The following ANO1 variants were observed in gnomAD, a reference collection of about 807,000 sequenced individuals.
ANO1 encodes the protein anoctamin 1.
In ANO1, 59 loss-of-function variants were observed where a neutral mutation model predicts 124.0. That is an observed-to-expected ratio of 0.48 (90% CI 0.39 to 0.59). The LOEUF is 0.59. ANO1 is among the 20% of genes least tolerant of loss of function. The pLI is 0.00. For missense variants in ANO1, 1,059 were observed against 1,328.0 expected (o/e 0.80, Z 3.15); for synonymous variants, 529 against 532.0 (o/e 0.99, Z 0.08).
chr11:70,116,423 A>G (rs1024703685), intron 7 of ANO1, 35 bp from the exon 8 acceptor site: 2 of 1,578,570 alleles, frequency 1.3e-6, no homozygotes, highest in African/African-American at 2.7e-5. Flanking sequence ...GCTCCATTGG[A>G]TGATAAGAAC....
chr11:70,112,965 GA>G (rs1410398982), intron 7 of ANO1, among the ~76,000 whole-genome samples: 2 of 152,178 alleles, frequency 1.3e-5, no homozygotes, highest in African/African-American at 4.8e-5. Flanking sequence ...GACCCCAAGG[GA>G]AGGAGTCTAG....
intron 1 of ANO1, among the ~76,000 whole-genome samples, chr11:70,011,926 T>C (rs2120354739): frequency 6.6e-6 from 1 of 152,276 alleles, no homozygotes; most frequent in South Asian, 2.1e-4. Flanking sequence ...CTCCATCCAT[T>C]CATCCAACCA....
chr11:70,008,796 C>T (rs1467435003), intron 1 of ANO1, among the ~76,000 whole-genome samples: 2 of 152,148 alleles, frequency 1.3e-5, no homozygotes, highest in African/African-American at 2.4e-5. Context: ...AGTGATTGTG[C>T]CATCCAGAAT....
chr11:70,136,348 G>A (rs190951217), intron 11 of ANO1, among the ~76,000 whole-genome samples: 193 of 152,340 alleles, frequency 1.3e-3, no homozygotes, highest in African/African-American at 4.4e-3. Context: ...TTAAGTGCAA[G>A]GGAGGGATGC....
chr11:70,018,882 C>T (rs1159248998), intron 1 of ANO1, among the ~76,000 whole-genome samples: 2 of 152,216 alleles, frequency 1.3e-5, no homozygotes, highest in East Asian at 3.8e-4. Context: ...GCATGGAGCT[C>T]AGTACCGGGG....
chr11:70,029,537 C>T (rs1367249149), intron 1 of ANO1, among the ~76,000 whole-genome samples: 1 of 152,218 alleles, frequency 6.6e-6, no homozygotes, highest in Non-Finnish European at 1.5e-5. Context: ...AACTTTCAAC[C>T]CACCAGTCAC....
At chr11:70,103,956 C>T in intron 3 of ANO1, 43 bp from the exon 4 acceptor site, 1 of 1,593,234 alleles carries the variant, frequency 6.3e-7, no homozygotes, top group Non-Finnish European at 8.6e-7. Flanking sequence ...GATCATGGTC[C>T]AGCAGGGTGA....
chr11:70,089,020 CTT>C (rs2044513712), intron 2 of ANO1, among the ~76,000 whole-genome samples: 3 of 152,216 alleles, frequency 2.0e-5, no homozygotes, highest in African/African-American at 7.2e-5. Flanking sequence ...GAGAGAATGA[CTT>C]TAGCAGCCCT....
intron 1 of ANO1, among the ~76,000 whole-genome samples, chr11:70,014,424 T>C (rs75618123): frequency 0.051 from 7,763 of 152,200 alleles, 664 homozygotes; most frequent in African/African-American, 0.17. Context: ...TGTGCCCGAC[T>C]CCTTTCCCGC....
At chr11:70,154,426 G>T (rs1447494195) in intron 14 of ANO1, among the ~76,000 whole-genome samples, 5 of 149,804 alleles carry the variant, frequency 3.3e-5, no homozygotes, top group African/African-American at 9.8e-5. Flanking sequence ...CTGGGGTACA[G>T]CTCGGTCCTC....
intron 11 of ANO1, among the ~76,000 whole-genome samples, chr11:70,144,180 C>T (rs763617077): frequency 1.3e-5 from 2 of 152,188 alleles, no homozygotes; most frequent in Non-Finnish European, 2.9e-5. Flanking sequence ...TTTATACAAA[C>T]GGGGTGGTAC....
chr11:70,010,179 G>GTGTATATATATATATATA, intron 1 of ANO1, among the ~76,000 whole-genome samples: 5 of 83,810 alleles, frequency 6.0e-5, no homozygotes, highest in East Asian at 5.8e-4. Flanking sequence ...GTGTGTGTGT[G>GTGTATATATATATATATA]TATATATATA....
At chr11:70,127,084 A>G (rs2046549625) in intron 10 of ANO1, among the ~76,000 whole-genome samples, 1 of 132,478 alleles carries the variant, frequency 7.5e-6, no homozygotes, top group Admixed American at 7.4e-5. Context: ...GCGGGAAGTG[A>G]GACATGAACG....
chr11:70,179,809 C>G (rs2048865617), intron 22 of ANO1, among the ~76,000 whole-genome samples, 195 bp from the exon 23 acceptor site: 1 of 152,156 alleles, frequency 6.6e-6, no homozygotes, highest in South Asian at 2.1e-4. Flanking sequence ...TCAGAAAGGG[C>G]TGGTACACAC....
intron 1 of ANO1, among the ~76,000 whole-genome samples, chr11:70,015,518 C>T (rs1054461900): frequency 3.9e-5 from 6 of 152,198 alleles, no homozygotes; most frequent in Non-Finnish European, 2.9e-5. Context: ...AGACCCTGTT[C>T]TTGATGTGTC....
intron 1 of ANO1, among the ~76,000 whole-genome samples, chr11:70,002,328 G>A (rs1423115029): frequency 2.6e-5 from 4 of 151,784 alleles, no homozygotes; most frequent in Non-Finnish European, 4.4e-5. Context: ...GCCAGGCATG[G>A]TGGCATGTGC....
At chr11:70,177,518 AG>A (rs1009307864) in intron 22 of ANO1, among the ~76,000 whole-genome samples, 2 of 151,272 alleles carry the variant, frequency 1.3e-5, no homozygotes, top group African/African-American at 4.9e-5. Context: ...CACCACAGCC[AG>A]CTGTTGCCAA....
chr11:70,097,096 G>A (rs2045013889), intron 2 of ANO1, among the ~76,000 whole-genome samples: 1 of 152,118 alleles, frequency 6.6e-6, no homozygotes, highest in South Asian at 2.1e-4. Flanking sequence ...ACAGAAGCAG[G>A]AATGTGAAAT....
intron 22 of ANO1, among the ~76,000 whole-genome samples, chr11:70,173,939 AT>A (rs367804030): frequency 0.13 from 18,704 of 143,410 alleles, 1,190 homozygotes; most frequent in Middle Eastern, 0.17. Flanking sequence ...GGCAGTTTTA[AT>A]TTTTTTTTTT....
Sources: gnomAD v4.1 joint callset for allele counts (sites outside exome capture counted in the v4.1 genomes callset) on GRCh38, gnomAD v4.1.1 for gene constraint, MANE v1.5 for transcripts, NCBI Gene and HGNC (gene_info 2026-07-23, HGNC 2026-07-21) for gene names.